The following ZMIZ1 variants were observed in gnomAD, a reference collection of about 807,000 sequenced individuals.
ZMIZ1 encodes the protein zinc finger MIZ-type containing 1, also known as zinc finger MIZ domain-containing protein 1.
A neutral mutation model predicts 113.9 loss-of-function variants in ZMIZ1; 17 were observed. The ratio of observed to expected loss-of-function variants is 0.15; its 90% confidence interval spans 0.10 to 0.22. The LOEUF is 0.22. Among genes scored for constraint, ZMIZ1 ranks in the 10% least tolerant of loss-of-function variants. ZMIZ1 has a pLI of 1.00. For synonymous variants in ZMIZ1, 607 were observed against 603.1 expected (o/e 1.01, Z -0.09); for missense variants, 1,059 against 1,477.8 (o/e 0.72, Z 4.65).
At chr10:79,186,079 C>A (rs1467036858) in intron 4 of ZMIZ1, among the ~76,000 whole-genome samples, 1 of 152,102 alleles carries the variant, frequency 6.6e-6, no homozygotes, top group African/African-American at 2.4e-5. Context: ...TTTTTGAGGG[C>A]ACTGTAGAGG....
chr10:79,172,203 T>C (rs1018363594), intron 4 of ZMIZ1, among the ~76,000 whole-genome samples: 1 of 152,016 alleles, frequency 6.6e-6, no homozygotes, highest in Non-Finnish European at 1.5e-5. Flanking sequence ...GTCACCCTCC[T>C]AAGGGCACAC....
intron 1 of ZMIZ1, among the ~76,000 whole-genome samples, chr10:79,075,576 CA>C (rs1842443262): frequency 6.7e-6 from 1 of 149,262 alleles, no homozygotes; most frequent in Non-Finnish European, 1.5e-5. Flanking sequence ...CATGCACACA[CA>C]TGCACACATG....
At chr10:79,164,291 G>A (rs1394120380) in intron 4 of ZMIZ1, among the ~76,000 whole-genome samples, 1 of 152,232 alleles carries the variant, frequency 6.6e-6, no homozygotes, top group African/African-American at 2.4e-5. Context: ...TTTGCCACCT[G>A]TAAAATGGGT....
chr10:79,094,282 C>T (rs939943095), intron 1 of ZMIZ1, among the ~76,000 whole-genome samples: 20 of 152,296 alleles, frequency 1.3e-4, no homozygotes, highest in African/African-American at 4.3e-4. Context: ...AGCCCACGGG[C>T]GACTCAGAAG....
At chr10:79,221,284 G>T (rs11819207) in intron 7 of ZMIZ1, among the ~76,000 whole-genome samples, 1 of 152,210 alleles carries the variant, frequency 6.6e-6, no homozygotes, top group Non-Finnish European at 1.5e-5. Flanking sequence ...GTGTGTGTGC[G>T]TGTGTGTGTC....
intron 5 of ZMIZ1, among the ~76,000 whole-genome samples, chr10:79,202,202 AAAAAAAAAAAAAG>A (rs1205265202): frequency 0.02 from 2,939 of 144,464 alleles, 37 homozygotes; most frequent in African/African-American, 0.043. Context: ...AAAAAAAAAA[AAAAAAAAAAAAAG>A]AAAGAAAGAA....
At chr10:79,229,742 G>GC (rs1849322275) in intron 7 of ZMIZ1, among the ~76,000 whole-genome samples, 1 of 152,140 alleles carries the variant, frequency 6.6e-6, no homozygotes, top group African/African-American at 2.4e-5. Context: ...CCCAGACCTG[G>GC]CAGGGACATG....
chr10:79,123,867 G>C (rs1844404748), intron 2 of ZMIZ1, among the ~76,000 whole-genome samples: 1 of 152,238 alleles, frequency 6.6e-6, no homozygotes, highest in African/African-American at 2.4e-5. Context: ...CCAGGGCCCA[G>C]CCCGTGGCCA....
At chr10:79,310,689 C>T (rs1415885291) in intron 23 of ZMIZ1, among the ~76,000 whole-genome samples, 1 of 152,142 alleles carries the variant, frequency 6.6e-6, no homozygotes, top group African/African-American at 2.4e-5. Flanking sequence ...CCTCCTGGGG[C>T]TCCACGTGGC....
chr10:79,140,168 G>A (rs1440359003), intron 3 of ZMIZ1, among the ~76,000 whole-genome samples: 1 of 152,202 alleles, frequency 6.6e-6, no homozygotes, highest in Non-Finnish European at 1.5e-5. Context: ...AAGGCTACGA[G>A]GTCCACAGTG....
chr10:79,108,358 C>G (rs1589279500), intron 1 of ZMIZ1, among the ~76,000 whole-genome samples: 1 of 152,172 alleles, frequency 6.6e-6, no homozygotes, highest in East Asian at 1.9e-4. Context: ...GATCTCAGAT[C>G]TGATAACCAC....
chr10:79,071,728 T>A (rs1164394614), intron 1 of ZMIZ1, among the ~76,000 whole-genome samples: 1 of 152,122 alleles, frequency 6.6e-6, no homozygotes, highest in African/African-American at 2.4e-5. Flanking sequence ...AACATCAGCA[T>A]CAAACAAAAG....
chr10:79,098,956 C>T (rs1257757385), intron 1 of ZMIZ1, among the ~76,000 whole-genome samples: 1 of 152,178 alleles, frequency 6.6e-6, no homozygotes, highest in Non-Finnish European at 1.5e-5. Flanking sequence ...TCTGCATTGG[C>T]CCCTGGAGGC....
At chr10:79,088,777 C>T (rs1418985796) in intron 1 of ZMIZ1, among the ~76,000 whole-genome samples, 1 of 152,200 alleles carries the variant, frequency 6.6e-6, no homozygotes, top group Non-Finnish European at 1.5e-5. Flanking sequence ...ACCAGAGCTT[C>T]CATTTAGCGG....
intron 8 of ZMIZ1, among the ~76,000 whole-genome samples, chr10:79,280,579 CAG>C (rs146513606): frequency 0.013 from 1,830 of 138,146 alleles, 39 homozygotes; most frequent in African/African-American, 0.045. Flanking sequence ...CTGTCTGACA[CAG>C]GGGTAATTTT....
At chr10:79,218,545 T>G (rs1848829617) in intron 7 of ZMIZ1, among the ~76,000 whole-genome samples, 1 of 151,268 alleles carries the variant, frequency 6.6e-6, no homozygotes, top group Non-Finnish European at 1.5e-5. Context: ...TGACCCCTAG[T>G]CTAGAGGGAG....
At chr10:79,157,543 C>T (rs1216999127) in intron 3 of ZMIZ1, among the ~76,000 whole-genome samples, 3 of 152,076 alleles carry the variant, frequency 2.0e-5, no homozygotes, top group African/African-American at 7.2e-5. Flanking sequence ...CAATGTCCAG[C>T]TCAATGTCCA....
At chr10:79,147,254 C>T (rs941973661) in intron 3 of ZMIZ1, among the ~76,000 whole-genome samples, 12 of 152,150 alleles carry the variant, frequency 7.9e-5, no homozygotes, top group African/African-American at 2.9e-4. Context: ...GACGACTGAC[C>T]TCCCTGCCCC....
chr10:79,197,430 C>A (rs187570283), intron 4 of ZMIZ1, among the ~76,000 whole-genome samples: 79 of 152,308 alleles, frequency 5.2e-4, no homozygotes, highest in African/African-American at 1.8e-3. Flanking sequence ...GTGTCCTTGT[C>A]TTCCACACCA....
Sources: allele counts gnomAD v4.1 joint callset (sites outside exome capture counted in the v4.1 genomes callset), GRCh38; gene constraint gnomAD v4.1.1; transcripts MANE v1.5; gene names NCBI Gene and HGNC (gene_info 2026-07-23, HGNC 2026-07-21).